ZNF793: variants seen among roughly 807,000 people sequenced by gnomAD.
ZNF793 encodes zinc finger protein 793.
In ZNF793, 5 loss-of-function variants were observed where a neutral mutation model predicts 12.4. The ratio of observed to expected loss-of-function variants is 0.40; its 90% CI spans 0.21 to 0.84. ZNF793 has a LOEUF of 0.84. Ranked by LOEUF, ZNF793 falls within the 40% of genes least tolerant of loss-of-function variation. The pLI, the probability that ZNF793 is intolerant of heterozygous loss-of-function variation, is 0.35. For synonymous variants in ZNF793, 162 were observed against 172.4 expected (o/e 0.94, Z 0.47); for missense variants, 456 against 495.0 (o/e 0.92, Z 0.75).
chr19:37,525,341 T>C (rs2042406252), intron 5 of ZNF793, among the ~76,000 whole-genome samples: 1 of 151,480 alleles, frequency 6.6e-6, no homozygotes, highest in East Asian at 1.9e-4. Context: ...GGTTTCACCG[T>C]GTTAGCCAGG....
rs773935686 is a variant in ZNF793, at chr19:37,537,601, G to A, written c.943G>A (p.Glu315Lys). The A allele has an allele frequency of 6.2e-7, 1 of 1,614,064 alleles. No homozygotes were observed. The highest frequency in any genetic ancestry group is 1.3e-5 in the African/African-American group (1 of 74,930). The change falls in exon 8 of 8, where the codon GAA (glutamate) becomes AAA (lysine). Residue 315 changes from glutamate to lysine, a missense_variant. Coordinates refer to ENST00000627814, the MANE Select transcript of ZNF793 (RefSeq NM_001013659.3). ...AGGAGAGAGACCCTTTGTCTGCAGT[G>A]AATGCGGGAAATCGTTTGGTGAGAA... ...HTGERPFVCSECGKSFGEKSY... is the reference protein window; with the variant it reads ...HTGERPFVCSKCGKSFGEKSY...
chr19:37,530,643 G>A (rs147683721), intron 5 of ZNF793, among the ~76,000 whole-genome samples: 10,437 of 152,074 alleles, frequency 0.069, 509 homozygotes, highest in African/African-American at 0.13. Flanking sequence ...GGTTGGGGGT[G>A]GGGTTATAGA....
intron 2 of ZNF793, among the ~76,000 whole-genome samples, chr19:37,509,417 A>G (rs2147051797): frequency 6.6e-6 from 1 of 152,380 alleles, no homozygotes; most frequent in South Asian, 2.1e-4. Flanking sequence ...TAATTTTAAA[A>G]AATTATTACG....
chr19:37,517,364 G>A (rs1428430209), intron 2 of ZNF793, among the ~76,000 whole-genome samples: 2 of 151,204 alleles, frequency 1.3e-5, no homozygotes, highest in African/African-American at 2.4e-5. Context: ...GCTCAGGCAG[G>A]AGAATCCCTT....
At chr19:37,511,733 T>G (rs1386223574) in intron 2 of ZNF793, among the ~76,000 whole-genome samples, 1 of 152,172 alleles carries the variant, frequency 6.6e-6, no homozygotes, top group Non-Finnish European at 1.5e-5. Context: ...TTGCCTCTTT[T>G]CTATTATTCT....
intron 5 of ZNF793, 126 bp from the exon 6 acceptor site, chr19:37,532,230 T>C: frequency 4.7e-6 from 5 of 1,055,230 alleles, no homozygotes; most frequent in Non-Finnish European, 2.8e-6. Context: ...GCCAGGCTGA[T>C]CTTGAACTCC....
chr19:37,530,008 G>A (rs911072371), intron 5 of ZNF793, among the ~76,000 whole-genome samples: 1 of 151,848 alleles, frequency 6.6e-6, no homozygotes, highest in African/African-American at 2.4e-5. Flanking sequence ...TCGGTGAGGG[G>A]GATGTGGCAG....
chr19:37,542,201 T>A lies in ZNF793; in HGVS notation c.*4322T>A, dbSNP rs1443256489. The A allele has an allele frequency of 5.9e-6, 1 of 169,134 alleles. No homozygotes were observed. Among genetic ancestry groups the A allele is most frequent in the Non-Finnish European group, 1.3e-5 (1 of 77,842 alleles). The allele number at this position is 169,134 out of a possible 1,614,324, so 10.5% of individuals were successfully genotyped here. A position where few individuals can be genotyped will look rare whatever the true frequency, so the allele number is the denominator to read the frequency against. ...TGAGGTCGGGAGTTCGAGAACAGCC[T>A]GGCCAGCATGGTGAAACCCCGTCTC... On this transcript the variant is annotated 3_prime_UTR_variant, in exon 8 of 8. Transcript: ENST00000627814.
intron 2 of ZNF793, among the ~76,000 whole-genome samples, chr19:37,512,217 A>G (rs943257632): frequency 6.6e-6 from 1 of 152,186 alleles, no homozygotes; most frequent in Non-Finnish European, 1.5e-5. Flanking sequence ...TTTCAGATTT[A>G]GAAAAGTTAT....
chr19:37,523,402 G>T lies in ZNF793; in HGVS notation c.-30-8G>T. 6.2e-7 allele frequency: 1 copy of T among 1,609,194 alleles called. No individual in the cohort carries two copies. The highest frequency in any genetic ancestry group is 8.5e-7 in the Non-Finnish European group (1 of 1,175,592). ...TTTCTCCATCTTCTTCCCCCCACAT[G>T]TCTACAGGTGTCAGATCTTTTTCAA... On this transcript the variant is annotated splice_region_variant and splice_polypyrimidine_tract_variant and intron_variant, in intron 4 of 7. Transcript: ENST00000627814.
intron 5 of ZNF793, among the ~76,000 whole-genome samples, chr19:37,525,147 T>A (rs929550869): frequency 6.6e-6 from 1 of 152,200 alleles, no homozygotes; most frequent in African/African-American, 2.4e-5. Context: ...TCTCTTTTTT[T>A]TTTTTTTGAG....
chr19:37,512,471 C>T (rs748143580), intron 2 of ZNF793, among the ~76,000 whole-genome samples: 60 of 151,978 alleles, frequency 3.9e-4, no homozygotes, highest in African/African-American at 1.1e-3. Flanking sequence ...GCCGAGATCA[C>T]GCCACTACAC....
chr19:37,527,441 G>A (rs912033436), intron 5 of ZNF793, among the ~76,000 whole-genome samples: 2 of 152,084 alleles, frequency 1.3e-5, no homozygotes, highest in Admixed American at 6.6e-5. Flanking sequence ...TTATATAATG[G>A]TATTATGTGC....
chr19:37,540,753 T>C lies in ZNF793; in HGVS notation c.*2874T>C, dbSNP rs996623488. Reference sequence around the variant, plus strand: ...TGTACACCAATAAATGAAAAGACTATTTTTTGAGTTAACTTTTCTAAGAAG... The same window carrying C: ...TGTACACCAATAAATGAAAAGACTACTTTTTGAGTTAACTTTTCTAAGAAG... On this transcript the variant is annotated 3_prime_UTR_variant, in exon 8 of 8. Transcript: ENST00000627814. The C allele has an allele frequency of 6.6e-6, 1 of 151,942 alleles. No homozygotes were observed. Among genetic ancestry groups the C allele is most frequent in the Non-Finnish European group, 1.5e-5 (1 of 67,962 alleles). The allele number at this position is 151,942 out of a possible 1,614,324, so 9.4% of individuals were successfully genotyped here.
chr19:37,538,137 G>T lies in ZNF793; in HGVS notation c.*258G>T, dbSNP rs560342328. Reference sequence around the variant, plus strand: ...TCACCGTGTTAGCCAGGATGGTCTCGATCTCCTGACCTTGTGATCTGCCCG... The same window carrying T: ...TCACCGTGTTAGCCAGGATGGTCTCTATCTCCTGACCTTGTGATCTGCCCG... On this transcript the variant is annotated 3_prime_UTR_variant, in exon 8 of 8. Coordinates refer to ENST00000627814, the MANE Select transcript of ZNF793 (RefSeq NM_001013659.3). 1.1e-4 allele frequency: 39 copies of T among 352,906 alleles called. No homozygotes were observed. The highest frequency in any genetic ancestry group is 1.4e-4 in the Non-Finnish European group (27 of 193,680). 21.9% of individuals were successfully genotyped at this position (352,906 alleles called of 1,614,324 possible). A position where few individuals can be genotyped will look rare whatever the true frequency, so the allele number is the denominator to read the frequency against.
In ZNF793 at chr19:37,538,122, A is replaced by T. The variant is rs372744419; in HGVS notation, c.*243A>T. 2.3e-5 allele frequency: 9 copies of T among 384,014 alleles called. No individual in the cohort carries two copies. In the East Asian group the frequency reaches 3.7e-4, roughly 16 times the overall value. 23.8% of individuals were successfully genotyped at this position (384,014 alleles called of 1,614,324 possible). A position where few individuals can be genotyped will look rare whatever the true frequency, so the allele number is the denominator to read the frequency against. The stretch of plus-strand genomic sequence containing the variant: ...AGTAGAGACGGGGTTTCACCGTGTT[A>T]GCCAGGATGGTCTCGATCTCCTGAC... On this transcript the variant is annotated 3_prime_UTR_variant, in exon 8 of 8. Coordinates refer to ENST00000627814, the MANE Select transcript of ZNF793 (RefSeq NM_001013659.3).
In ZNF793 at chr19:37,540,278, A is replaced by AAG. The variant is rs1427081504; in HGVS notation, c.*2400_*2401insGA. ...GCGAAACTCCGTCAAAAAAAAAAAA[A>AAG]AAAAAAGAAAACTTCAGACCAGTCT... On this transcript the variant is annotated 3_prime_UTR_variant, in exon 8 of 8. Coordinates refer to ENST00000627814, the MANE Select transcript of ZNF793 (RefSeq NM_001013659.3). 1.3e-5 allele frequency: 2 copies of AAG among 150,974 alleles called. No individual in the cohort carries two copies. The highest frequency in any genetic ancestry group is 2.9e-5 in the Non-Finnish European group (2 of 67,818). 9.4% of individuals were successfully genotyped at this position (150,974 alleles called of 1,614,324 possible).
intron 2 of ZNF793, among the ~76,000 whole-genome samples, chr19:37,515,030 G>A (rs951893427): frequency 1.1e-4 from 16 of 152,224 alleles, no homozygotes; most frequent in Non-Finnish European, 2.2e-4. Context: ...AGTAGCAGAC[G>A]TAATGGCAGA....
chr19:37,511,626 G>A (rs960557067), intron 2 of ZNF793, among the ~76,000 whole-genome samples: 1 of 152,148 alleles, frequency 6.6e-6, no homozygotes, highest in Non-Finnish European at 1.5e-5. Flanking sequence ...AGCTGAGATT[G>A]CACCACTGCA....
Sources: gnomAD v4.1 joint callset for allele counts (sites outside exome capture counted in the v4.1 genomes callset) on GRCh38, gnomAD v4.1.1 for gene constraint, MANE v1.5 for transcripts, NCBI Gene and HGNC (gene_info 2026-07-23, HGNC 2026-07-21) for gene names.